XKR4: variants seen among roughly 807,000 people sequenced by gnomAD.
XKR4 encodes the protein XK-related protein 4.
In XKR4, 12 loss-of-function variants were observed where a neutral mutation model predicts 53.9. The ratio of observed to expected loss-of-function variants is 0.22; its 90% CI spans 0.14 to 0.36. XKR4 has a LOEUF of 0.36. XKR4 is among the 10% of genes least tolerant of loss of function. The pLI, the probability that XKR4 is intolerant of heterozygous loss-of-function variation, is 1.00. For synonymous variants in XKR4, 354 were observed against 362.4 expected (o/e 0.98, Z 0.26); for missense variants, 799 against 859.5 (o/e 0.93, Z 0.88).
At chr8:55,104,448 C>T (rs1416448109) in intron 1 of XKR4, among the ~76,000 whole-genome samples, 3 of 152,088 alleles carry the variant, frequency 2.0e-5, no homozygotes, top group African/African-American at 7.2e-5. Flanking sequence ...TTATTTGTGG[C>T]TATTTTTGTG....
At chr8:55,165,804 C>CAAAAAAAAAAAAAAAA (rs536690179) in intron 1 of XKR4, among the ~76,000 whole-genome samples, 1 of 60,470 alleles carries the variant, frequency 1.7e-5, no homozygotes, top group Admixed American at 1.8e-4. Context: ...GACTCCGTCT[C>CAAAAAAAAAAAAAAAA]AAAAAAAAAA....
At chr8:55,333,613 C>A (rs1284593388) in intron 1 of XKR4, among the ~76,000 whole-genome samples, 1 of 152,050 alleles carries the variant, frequency 6.6e-6, no homozygotes, top group African/African-American at 2.4e-5. Context: ...GGTGTGTAGT[C>A]CCCTTGCGAT....
intron 2 of XKR4, among the ~76,000 whole-genome samples, chr8:55,456,773 A>T (rs1412143444): frequency 6.6e-6 from 1 of 152,212 alleles, no homozygotes; most frequent in Non-Finnish European, 1.5e-5. Context: ...ATAGCATCAA[A>T]GGCATGTAGG....
intron 2 of XKR4, among the ~76,000 whole-genome samples, chr8:55,392,939 T>G (rs1309990123): frequency 1.3e-5 from 2 of 152,176 alleles, no homozygotes; most frequent in Non-Finnish European, 2.9e-5. Context: ...GCATTTATCT[T>G]GCCTTTCCTG....
chr8:55,525,325 A>T lies in XKR4; in HGVS notation c.*1098A>T, dbSNP rs1325379141. On this transcript the variant is annotated 3_prime_UTR_variant, in exon 3 of 3. Transcript: ENST00000327381. ...GAATGAGTGGCATGAGCCCCCTAAA[A>T]GCAGGCGAGAGAACGAGCAATCAAG... 1.3e-5 allele frequency: 2 copies of T among 152,666 alleles called. No individual in the cohort carries two copies. Among genetic ancestry groups the T allele is most frequent in the Non-Finnish European group, 2.9e-5 (2 of 68,048 alleles). 9.5% of individuals were successfully genotyped at this position (152,666 alleles called of 1,614,324 possible).
At chr8:55,501,860 C>T (rs889332463) in intron 2 of XKR4, among the ~76,000 whole-genome samples, 4 of 152,130 alleles carry the variant, frequency 2.6e-5, no homozygotes, top group Admixed American at 6.6e-5. Context: ...TCAGTATCCA[C>T]GGGGGACTGG....
At chr8:55,365,255 C>T (rs905284516) in intron 2 of XKR4, among the ~76,000 whole-genome samples, 2 of 152,234 alleles carry the variant, frequency 1.3e-5, no homozygotes, top group African/African-American at 4.8e-5. Context: ...TCACGCACGA[C>T]GTTCACTAGG....
chr8:55,494,338 C>A (rs1334937739), intron 2 of XKR4, among the ~76,000 whole-genome samples: 1 of 152,226 alleles, frequency 6.6e-6, no homozygotes, highest in Non-Finnish European at 1.5e-5. Flanking sequence ...TTGGGGAGTT[C>A]CCAGGTTTGG....
At chr8:55,192,068 C>G (rs945901539) in intron 1 of XKR4, among the ~76,000 whole-genome samples, 2 of 151,734 alleles carry the variant, frequency 1.3e-5, no homozygotes, top group Admixed American at 1.3e-4. Flanking sequence ...CAATTTACAA[C>G]TAATGAATTT....
chr8:55,468,904 T>A (rs1188458934), intron 2 of XKR4, among the ~76,000 whole-genome samples: 1 of 152,164 alleles, frequency 6.6e-6, no homozygotes, highest in Non-Finnish European at 1.5e-5. Flanking sequence ...ATTCTGACTA[T>A]GCATTCTTGT....
intron 1 of XKR4, among the ~76,000 whole-genome samples, chr8:55,323,642 A>G (rs900865280): frequency 4.6e-5 from 7 of 152,140 alleles, no homozygotes; most frequent in Non-Finnish European, 1.5e-5. Context: ...TTGAATAAAA[A>G]CCTCTGTAAA....
chr8:55,349,553 G>C (rs2658902), intron 1 of XKR4, among the ~76,000 whole-genome samples: 19,008 of 152,168 alleles, frequency 0.12, 1,560 homozygotes, highest in Non-Finnish European at 0.19. Flanking sequence ...CAGTGATTTT[G>C]TTACCACGGT....
chr8:55,231,627 A>AT lies in XKR4; in HGVS notation c.807-126041dup, dbSNP rs34441244. Among the ~76,000 whole-genome samples, 9 of 150,506 alleles carry AT rather than the reference A, an allele frequency of 6.0e-5. No individual in the cohort carries two copies. The East Asian group carries it at 7.8e-4, about 13-fold the overall frequency. On this transcript the variant is annotated intron_variant, in intron 1 of 2. Transcript: ENST00000327381. The stretch of plus-strand genomic sequence containing the variant: ...AAAGGGGAAAGGGATGATCGATCAT[A>AT]TTTTTTTTTTCAAAGGAATTACCAG...
intron 1 of XKR4, among the ~76,000 whole-genome samples, chr8:55,303,838 G>T (rs1263976654): frequency 6.6e-6 from 1 of 152,170 alleles, no homozygotes; most frequent in Non-Finnish European, 1.5e-5. Context: ...GGGATCGGTG[G>T]TGATATCCCC....
intron 2 of XKR4, among the ~76,000 whole-genome samples, chr8:55,379,105 G>A (rs1804194247): frequency 6.6e-6 from 1 of 152,160 alleles, no homozygotes; most frequent in African/African-American, 2.4e-5. Context: ...TTAGAAGGAA[G>A]ATATCATTAA....
intron 1 of XKR4, among the ~76,000 whole-genome samples, chr8:55,355,295 G>T (rs1803782100): frequency 6.6e-6 from 1 of 151,948 alleles, no homozygotes; most frequent in African/African-American, 2.4e-5. Context: ...GTGAGAAGAT[G>T]AATAGAAGAC....
At chr8:55,368,080 C>G (rs542658471) in intron 2 of XKR4, among the ~76,000 whole-genome samples, 3 of 152,288 alleles carry the variant, frequency 2.0e-5, no homozygotes, top group Non-Finnish European at 2.9e-5. Flanking sequence ...CGTGCCTCAG[C>G]CTCCCAAGTA....
chr8:55,388,290 A>G (rs1804356411), intron 2 of XKR4, among the ~76,000 whole-genome samples: 1 of 152,228 alleles, frequency 6.6e-6, no homozygotes, highest in Non-Finnish European at 1.5e-5. Context: ...TTAAGGCCAA[A>G]AATGTCTTAT....
chr8:55,293,028 T>C lies in XKR4; in HGVS notation c.807-64650T>C, dbSNP rs1819052090. On this transcript the variant is annotated intron_variant, in intron 1 of 2. Transcript: ENST00000327381. Reference sequence around the variant, plus strand: ...GTGTTGCCAACTGCCATTTTTTCCATTGTATTTTAAAATCCATATAGTTTG... The same window carrying C: ...GTGTTGCCAACTGCCATTTTTTCCACTGTATTTTAAAATCCATATAGTTTG... 2.0e-5 allele frequency among the ~76,000 whole-genome samples: 3 copies of C among 148,908 alleles called. No individual in the cohort carries two copies. In the South Asian group the frequency reaches 6.3e-4, roughly 31 times the overall value.
Sources: gnomAD v4.1 joint callset for allele counts (sites outside exome capture counted in the v4.1 genomes callset) on GRCh38, gnomAD v4.1.1 for gene constraint, MANE v1.5 for transcripts, NCBI Gene and HGNC (gene_info 2026-07-23, HGNC 2026-07-21) for gene names.